The following FRMPD4 variants were observed in gnomAD, a reference collection of about 807,000 sequenced individuals.
FRMPD4 encodes the protein FERM and PDZ domain containing 4, also known as FERM and PDZ domain-containing protein 4.
FRMPD4 carries 22 observed loss-of-function variants against 94.1 expected under a neutral mutation model. That is an observed-to-expected ratio of 0.23 (90% confidence interval 0.17 to 0.33). FRMPD4 has a LOEUF of 0.33. FRMPD4 is among the 10% of genes least tolerant of loss of function. The pLI, the probability that FRMPD4 is intolerant of heterozygous loss-of-function variation, is 1.00. For synonymous variants in FRMPD4, 631 were observed against 548.6 expected (o/e 1.15, Z -2.10); for missense variants, 1,111 against 1,339.9 (o/e 0.83, Z 2.67).
Position 12,417,740 on chromosome X carries a change from TG to T in FRMPD4, c.42-80938del, listed in dbSNP as rs1436907429. Among the ~76,000 whole-genome samples, 13 of 108,972 alleles carry T rather than the reference TG, an allele frequency of 1.2e-4. No homozygotes were observed. In the East Asian group the frequency reaches 2.3e-3, roughly 19 times the overall value. The allele number at this position is 108,972 out of a possible 115,157, so 94.6% of individuals were successfully genotyped here. A position where few individuals can be genotyped will look rare whatever the true frequency, so the allele number is the denominator to read the frequency against. On this transcript the variant is annotated intron_variant, in intron 1 of 16. Coordinates refer to ENST00000675598, the MANE Select transcript of FRMPD4 (RefSeq NM_001368397.1). ...AAAACATTGTTCTGGCCAGGCACGG[TG>T]GCTCAAGCCTGTAATCCCAGCACTT...
At chrX:12,242,049 A>G (rs1319181156) in intron 1 of FRMPD4, among the ~76,000 whole-genome samples, 1 of 111,733 alleles carries the variant, frequency 8.9e-6, no homozygotes, top group African/African-American at 3.3e-5. Context: ...ATCCTCACAC[A>G]TCACTTCCTT....
rs762198886 is a variant in FRMPD4, at chrX:12,376,293, C to T, written c.42-122387C>T. On this transcript the variant is annotated intron_variant, in intron 1 of 16. Coordinates refer to ENST00000675598, the MANE Select transcript of FRMPD4 (RefSeq NM_001368397.1). The stretch of plus-strand genomic sequence containing the variant: ...TGTGAGCAATCATAATCATAAAAAC[C>T]TTGCTTCCCTTCTGAGAAAGCTGGA... Among the ~76,000 whole-genome samples the T allele has an allele frequency of 5.3e-5, 6 of 112,345 alleles. No individual in the cohort carries two copies. In the South Asian group the frequency reaches 2.2e-3, roughly 42 times the overall value.
At chrX:12,577,642 C>T (rs1313625845) in intron 2 of FRMPD4, among the ~76,000 whole-genome samples, 1 of 111,193 alleles carries the variant, frequency 9.0e-6, no homozygotes, top group Non-Finnish European at 1.9e-5. Context: ...GACAAGAGGC[C>T]ATAGCTGATA....
chrX:12,354,765 C>A (rs377625912), intron 1 of FRMPD4, among the ~76,000 whole-genome samples: 16 of 111,724 alleles, frequency 1.4e-4, no homozygotes, highest in East Asian at 5.6e-4. Context: ...ATAAATCATT[C>A]TGTTGAAGAA....
intron 1 of FRMPD4, among the ~76,000 whole-genome samples, chrX:12,163,451 A>G (rs1312871134): frequency 1.2e-5 from 1 of 81,104 alleles, no homozygotes; most frequent in African/African-American, 4.7e-5. Context: ...TTTTATTCCA[A>G]TGACCCTTTG....
At chrX:12,631,546 C>T (rs910619372) in intron 4 of FRMPD4, among the ~76,000 whole-genome samples, 2 of 109,951 alleles carry the variant, frequency 1.8e-5, no homozygotes, top group Non-Finnish European at 3.8e-5. Flanking sequence ...CCTCCCCTAG[C>T]CCCCCACCCC....
At chrX:12,054,942 T>TA (rs1160003974) in intron 3 of FRMPD4, 3 of 111,711 alleles carry the variant, frequency 2.7e-5, no homozygotes, top group Admixed American at 9.5e-5. Context: ...ATGTCTGATA[T>TA]AAAAAAATTA....
chrX:12,542,658 C>G (rs1304082894), intron 2 of FRMPD4, among the ~76,000 whole-genome samples: 2 of 111,805 alleles, frequency 1.8e-5, no homozygotes. Flanking sequence ...AATGGCCATA[C>G]TGCCCAAGGT....
At chrX:12,180,314 A>G (rs1026586546) in intron 1 of FRMPD4, among the ~76,000 whole-genome samples, 4 of 112,237 alleles carry the variant, frequency 3.6e-5, no homozygotes, top group Non-Finnish European at 5.6e-5. Flanking sequence ...CCATTAACAT[A>G]AAAAGTTATA....
chrX:12,109,156 T>C (rs2055330805), intron 3 of FRMPD4, among the ~76,000 whole-genome samples: 1 of 111,849 alleles, frequency 8.9e-6, no homozygotes, highest in South Asian at 3.7e-4. Flanking sequence ...ATTCCAAAAT[T>C]GACCACATAG....
At chrX:12,690,835 C>T (rs769524242) in intron 8 of FRMPD4, among the ~76,000 whole-genome samples, 2 of 111,905 alleles carry the variant, frequency 1.8e-5, no homozygotes, top group East Asian at 2.8e-4. Context: ...AAGATGCCAC[C>T]CCCATCTGTT....
intron 1 of FRMPD4, among the ~76,000 whole-genome samples, chrX:12,154,006 A>T (rs1013861585): frequency 4.4e-5 from 5 of 113,063 alleles, no homozygotes; most frequent in Non-Finnish European, 7.5e-5. Context: ...TGGTTGCTAC[A>T]GAGACCATAT....
At chrX:12,519,264 T>C (rs1260562558) in intron 2 of FRMPD4, among the ~76,000 whole-genome samples, 3 of 112,161 alleles carry the variant, frequency 2.7e-5, no homozygotes, top group African/African-American at 9.7e-5. Context: ...GAAAACCAAA[T>C]TGGAGGATTC....
At chrX:12,226,074 C>T (rs2056918964) in intron 1 of FRMPD4, among the ~76,000 whole-genome samples, 1 of 111,559 alleles carries the variant, frequency 9.0e-6, no homozygotes, top group South Asian at 3.8e-4. Context: ...GTAGTGTTTT[C>T]TTTGTTTCTG....
intron 1 of FRMPD4, among the ~76,000 whole-genome samples, chrX:12,181,273 A>G (rs376462866): frequency 6.8e-4 from 76 of 112,077 alleles, no homozygotes; most frequent in African/African-American, 2.4e-3. Flanking sequence ...GAATAATTCT[A>G]GATATTAGAA....
chrX:12,463,682 T>TGG (rs60848578), intron 1 of FRMPD4, among the ~76,000 whole-genome samples: 1 of 31,511 alleles, frequency 3.2e-5, no homozygotes, highest in Non-Finnish European at 6.6e-5. Context: ...TATGTGTGTG[T>TGG]TTTTTTTTTG....
chrX:11,920,884 C>T (rs2054051825), intron 3 of FRMPD4, among the ~76,000 whole-genome samples: 1 of 111,355 alleles, frequency 9.0e-6, no homozygotes, highest in Non-Finnish European at 1.9e-5. Context: ...GATGTTTTAC[C>T]TTCAGTATCC....
rs2042104397 is a variant in FRMPD4, at chrX:12,717,087, A to G, written c.2628A>G (p.Leu876=). Residue 876 remains leucine, a synonymous_variant, in exon 15 of 17, where the codon CTA becomes CTG. Coordinates refer to ENST00000675598, the MANE Select transcript of FRMPD4 (RefSeq NM_001368397.1). The stretch of plus-strand genomic sequence containing the variant: ...CCGTCGTCTCCACGCTGGGAGCTCT[A>G]GAGGCTCTATCCGTGTCAGAAGAAC... ...DNAVVSTLGA[L]EALSVSEEQQ... The G allele has an allele frequency of 8.3e-7, 1 of 1,198,636 alleles. No individual in the cohort carries two copies. The highest frequency in any genetic ancestry group is 1.7e-5 in the African/African-American group (1 of 57,248).
chrX:12,091,362 A>T (rs1251173029), intron 3 of FRMPD4, among the ~76,000 whole-genome samples: 1 of 112,204 alleles, frequency 8.9e-6, no homozygotes, highest in African/African-American at 3.2e-5. Flanking sequence ...GGTGGACTAT[A>T]CAATCTCTGT....
Sources: gnomAD v4.1 joint callset for allele counts (sites outside exome capture counted in the v4.1 genomes callset) on GRCh38, gnomAD v4.1.1 for gene constraint, MANE v1.5 for transcripts, NCBI Gene and HGNC (gene_info 2026-07-23, HGNC 2026-07-21) for gene names.